Variants in UNC80 observed in about 807,000 individuals in gnomAD.
UNC80 encodes protein unc-80 homolog.
A neutral mutation model predicts 384.6 loss-of-function variants in UNC80; 164 were observed. The ratio of observed to expected loss-of-function variants is 0.43; its 90% CI spans 0.38 to 0.49. The LOEUF (loss-of-function observed/expected upper bound fraction) is 0.49. Ranked by LOEUF, UNC80 falls within the 20% of genes least tolerant of loss-of-function variation. The pLI is 0.00. For missense variants in UNC80, 3,330 were observed against 4,143.0 expected (o/e 0.80, Z 5.39); for synonymous variants, 1,486 against 1,527.8 (o/e 0.97, Z 0.64).
rs114855728 is a variant in UNC80 at position 209,772,566 on chromosome 2, C to T, written c.92+402C>T. Among the ~76,000 whole-genome samples the T allele has an allele frequency of 8.5e-3, 1,287 of 152,224 alleles. 7 individuals carry two copies. Among genetic ancestry groups the T allele is most frequent in the Middle Eastern group, 0.014 (4 of 294 alleles). On this transcript the variant is annotated intron_variant, in intron 1 of 64. Transcript: ENST00000673920. ...TTTCCAGCTCCTGTTTGGCGAATAT[C>T]TGCTATGCCCACTTGTTAACCGTTT... is the stretch of plus-strand genomic sequence containing the variant.
chr2:209,797,361 T>A (rs182380395), intron 7 of UNC80, among the ~76,000 whole-genome samples: 158 of 152,240 alleles, frequency 1.0e-3, no homozygotes, highest in African/African-American at 3.7e-3. Flanking sequence ...TGTGTGTTGT[T>A]CCTCCTCTGT....
chr2:209,878,145 G>A (rs1227544351), intron 24 of UNC80, 56 bp downstream of exon 24: 3 of 1,451,058 alleles, frequency 2.1e-6, no homozygotes, highest in Non-Finnish European at 9.1e-7. Flanking sequence ...TCTGCTTTAG[G>A]AGCACTTAAT....
At chr2:209,822,437 A>G (rs2080203882) in intron 13 of UNC80, among the ~76,000 whole-genome samples, 1 of 152,222 alleles carries the variant, frequency 6.6e-6, no homozygotes, top group African/African-American at 2.4e-5. Context: ...GCCCAAATTT[A>G]TAAACACAGA....
chr2:209,903,239 G>A (rs988988100), intron 28 of UNC80, among the ~76,000 whole-genome samples: 2 of 143,172 alleles, frequency 1.4e-5, no homozygotes, highest in African/African-American at 5.2e-5. Context: ...GCAGTTGGTT[G>A]AATCCACGGA....
chr2:209,933,168 G>A (rs1164922709), intron 38 of UNC80, among the ~76,000 whole-genome samples: 1 of 152,078 alleles, frequency 6.6e-6, no homozygotes, highest in African/African-American at 2.4e-5. Context: ...ATAGAATGCT[G>A]AACATATTCT....
At chr2:209,936,466 G>A (rs1234077243) in intron 40 of UNC80, among the ~76,000 whole-genome samples, 1 of 152,160 alleles carries the variant, frequency 6.6e-6, no homozygotes, top group Admixed American at 6.5e-5. Context: ...GCTGAGACCA[G>A]TAGGTGCCAC....
chr2:209,953,859 C>T (rs930925550), intron 47 of UNC80, among the ~76,000 whole-genome samples: 3 of 152,118 alleles, frequency 2.0e-5, no homozygotes, highest in Admixed American at 1.3e-4. Flanking sequence ...TGGCTAATTC[C>T]CCCGACTAGA....
At chr2:209,773,942 A>T (rs1030544617) in intron 2 of UNC80, among the ~76,000 whole-genome samples, 1 of 152,236 alleles carries the variant, frequency 6.6e-6, no homozygotes, top group African/African-American at 2.4e-5. Context: ...TGTTTCACAA[A>T]TTGAGAAAAT....
intron 28 of UNC80, 93 bp from the exon 29 acceptor site, chr2:209,904,672 A>T (rs1356271227): frequency 1.8e-6 from 2 of 1,086,596 alleles, no homozygotes; most frequent in South Asian, 1.4e-5. Context: ...AGGGAAGCTG[A>T]CATTCTGACT....
Position 209,777,305 on chromosome 2 carries a change from C to G in UNC80, c.346C>G (p.Leu116Val). The change falls in exon 4 of 65, where the codon CTA becomes GTA. Residue 116 changes from leucine to valine, a missense_variant. Leu to Val is a conservative substitution (Grantham distance 32). Coordinates refer to ENST00000673920, the MANE Select transcript of UNC80 (RefSeq NM_001371986.1). ...GVAETKLLHTLHWMLLEAPQD... is the reference protein window; with the variant it reads ...GVAETKLLHTVHWMLLEAPQD... Reference sequence around the variant, plus strand: ...TGCTGAGACAAAGCTCCTTCACACTCTACACTGGATGCTTCTGGAGGCCCC... The same window carrying G: ...TGCTGAGACAAAGCTCCTTCACACTGTACACTGGATGCTTCTGGAGGCCCC... 1 of 1,613,554 alleles carries G rather than the reference C, an allele frequency of 6.2e-7. No homozygotes were observed.
chr2:209,853,438 A>G (rs1304252798), intron 22 of UNC80, among the ~76,000 whole-genome samples: 1 of 151,992 alleles, frequency 6.6e-6, no homozygotes, highest in African/African-American at 2.4e-5. Context: ...TGTTGGTTCT[A>G]AACAATGCTA....
chr2:209,834,231 G>T (rs999562196), intron 17 of UNC80, 63 bp downstream of exon 17: 4 of 1,498,812 alleles, frequency 2.7e-6, no homozygotes, highest in Non-Finnish European at 1.8e-6. Flanking sequence ...AAAATCTGTT[G>T]TACTGTTTGT....
rs1327277566 is a variant in UNC80 at position 209,871,099 on chromosome 2, G to T, written c.3628-1659G>T. Among the ~76,000 whole-genome samples the T allele has an allele frequency of 4.6e-5, 7 of 152,262 alleles. No individual in the cohort carries two copies. In the South Asian group the frequency reaches 1.4e-3, roughly 32 times the overall value. ...GTTGAGGTGGATGGAGGCTATAATAGATATCAAATGGGGAAATGATATGTT... is the reference window on the plus strand; with the variant it reads ...GTTGAGGTGGATGGAGGCTATAATATATATCAAATGGGGAAATGATATGTT... On this transcript the variant is annotated intron_variant, in intron 22 of 64. Transcript: ENST00000673920.
chr2:209,814,375 G>A (rs115352480), intron 8 of UNC80, among the ~76,000 whole-genome samples: 1,826 of 151,964 alleles, frequency 0.012, 40 homozygotes, highest in African/African-American at 0.04. Context: ...AGCTGGGACT[G>A]CAGGACTACA....
At chr2:209,842,764 A>T (rs916643214) in intron 21 of UNC80, among the ~76,000 whole-genome samples, 2 of 152,318 alleles carry the variant, frequency 1.3e-5, no homozygotes, top group Non-Finnish European at 2.9e-5. Context: ...CCACCCACCT[A>T]TCTACTTACA....
At chr2:209,805,159 C>T (rs1178873085) in intron 7 of UNC80, among the ~76,000 whole-genome samples, 4 of 152,184 alleles carry the variant, frequency 2.6e-5, no homozygotes, top group Non-Finnish European at 5.9e-5. Flanking sequence ...GCACCTTCAA[C>T]ATTTTATTTG....
At position 209,921,669 on chromosome 2, in the gene UNC80, C is replaced by T; in HGVS notation, c.5513C>T (p.Ser1838Leu). The change falls in exon 34 of 65, where the codon TCA becomes TTA. Residue 1838 changes from serine to leucine, a missense_variant. By Grantham distance (145) the Ser-to-Leu change is moderately radical. Around this residue, in one of 8 missense-constraint regions of UNC80, gnomAD observed 1,049 missense variants for 1,488.6 expected, o/e 0.70. Transcript: ENST00000673920. ...TATGAGCCCACATGCACGCCCAACTCAGAACCGGAAGAAGAAGGTGCCCTC... is the reference window on the plus strand; with the variant it reads ...TATGAGCCCACATGCACGCCCAACTTAGAACCGGAAGAAGAAGGTGCCCTC... Reference protein sequence around the residue: ...ACYEPTCTPNSEPEEEVEEVT... With the variant: ...ACYEPTCTPNLEPEEEVEEVT... The T allele has an allele frequency of 6.4e-7, 1 of 1,550,564 alleles. No homozygotes were observed. The highest frequency in any genetic ancestry group is 8.7e-7 in the Non-Finnish European group (1 of 1,146,594).
intron 7 of UNC80, among the ~76,000 whole-genome samples, chr2:209,810,094 G>A (rs376749392): frequency 3.9e-5 from 6 of 152,130 alleles, no homozygotes; most frequent in South Asian, 2.1e-4. Flanking sequence ...ACACCAGGAC[G>A]TGTCAGAGCC....
chr2:209,838,672 T>C (rs113806699), intron 18 of UNC80, among the ~76,000 whole-genome samples: 2,030 of 152,052 alleles, frequency 0.013, 50 homozygotes, highest in African/African-American at 0.045. Flanking sequence ...AATAAAAAGT[T>C]AAATATTGGC....
Sources: gnomAD v4.1 joint callset for allele counts (sites outside exome capture counted in the v4.1 genomes callset) on GRCh38, gnomAD v4.1.1 for gene constraint, gnomAD v4.1.1 regional missense constraint, MANE v1.5 for transcripts, NCBI Gene and HGNC (gene_info 2026-07-23, HGNC 2026-07-21) for gene names.